The following RAI2 variants were observed in gnomAD, a reference collection of about 807,000 sequenced individuals.
RAI2 encodes the protein retinoic acid induced 2.
A neutral mutation model predicts 15.3 loss-of-function variants in RAI2; 5 were observed. The observed-to-expected ratio is 0.33, with a 90% CI of 0.17 to 0.69. The LOEUF is 0.69. RAI2 is among the 30% of genes least tolerant of loss of function. The pLI is 0.69. For synonymous variants in RAI2, 191 were observed against 184.0 expected (o/e 1.04, Z -0.31); for missense variants, 424 against 424.7 (o/e 1.00, Z 0.01).
intron 1 of RAI2, among the ~76,000 whole-genome samples, chrX:17,821,039 A>T (rs1376835108): frequency 8.9e-6 from 1 of 112,042 alleles, no homozygotes; most frequent in Non-Finnish European, 1.9e-5. Flanking sequence ...AGCTGGGACT[A>T]TAGGCGTGAG....
At chrX:17,816,007 T>TC (rs1198028860) in intron 1 of RAI2, among the ~76,000 whole-genome samples, 5 of 109,859 alleles carry the variant, frequency 4.6e-5, no homozygotes, top group African/African-American at 1.7e-4. Context: ...CTCCTCCTCC[T>TC]CTTTCTTGTT....
At chrX:17,856,065 A>G (rs1256712177) in intron 1 of RAI2, among the ~76,000 whole-genome samples, 1 of 112,191 alleles carries the variant, frequency 8.9e-6, no homozygotes, top group Non-Finnish European at 1.9e-5. Context: ...GTGCTGGAAG[A>G]CCAAAAAGTT....
At chrX:17,834,870 G>C (rs1171604718) in intron 1 of RAI2, among the ~76,000 whole-genome samples, 1 of 110,937 alleles carries the variant, frequency 9.0e-6, no homozygotes, top group Non-Finnish European at 1.9e-5. Flanking sequence ...TTACAGAAAA[G>C]GTTTTTATGG....
chrX:17,822,266 T>C (rs1396421390), intron 1 of RAI2, among the ~76,000 whole-genome samples: 1 of 112,041 alleles, frequency 8.9e-6, no homozygotes, highest in Non-Finnish European at 1.9e-5. Context: ...ATGTAAATAT[T>C]AACGTCGGGG....
chrX:17,850,323 T>C (rs2067513841), intron 1 of RAI2, among the ~76,000 whole-genome samples: 1 of 112,012 alleles, frequency 8.9e-6, no homozygotes, highest in African/African-American at 3.2e-5. Flanking sequence ...GGGGAGCCTT[T>C]TGAGGCCTGT....
chrX:17,802,057 T>C (rs2066920709), intron 1 of RAI2, 23 bp from the exon 2 acceptor site: 8 of 1,148,052 alleles, frequency 7.0e-6, no homozygotes, highest in Non-Finnish European at 8.1e-6. Flanking sequence ...ACATACAATA[T>C]GAATCTTCCT....
At chrX:17,802,659 G>A (rs371208202) in intron 1 of RAI2, among the ~76,000 whole-genome samples, 1 of 111,535 alleles carries the variant, frequency 9.0e-6, no homozygotes, top group Non-Finnish European at 1.9e-5. Flanking sequence ...GGTGAAGATC[G>A]ATGATGACTT....
chrX:17,818,056 G>A (rs1457958351), intron 1 of RAI2, among the ~76,000 whole-genome samples: 2 of 111,972 alleles, frequency 1.8e-5, no homozygotes, highest in Non-Finnish European at 3.8e-5. Context: ...GGGGGCTCTT[G>A]TGTGCAAAGG....
intron 1 of RAI2, among the ~76,000 whole-genome samples, chrX:17,803,758 C>T (rs73189167): frequency 4.5e-5 from 5 of 110,167 alleles, no homozygotes; most frequent in African/African-American, 1.3e-4. Context: ...GGATCCAGAG[C>T]GTGTCTCCCT....
intron 1 of RAI2, among the ~76,000 whole-genome samples, chrX:17,828,420 T>C (rs903558871): frequency 8.9e-6 from 1 of 112,053 alleles, no homozygotes; most frequent in South Asian, 3.8e-4. Context: ...AGGTTGCTAA[T>C]ACCCGCTTCC....
chrX:17,847,118 T>C (rs1206975196), intron 1 of RAI2, among the ~76,000 whole-genome samples: 3 of 111,829 alleles, frequency 2.7e-5, no homozygotes, highest in Non-Finnish European at 3.8e-5. Context: ...CTTTATAAAT[T>C]ACCCAGTCTC....
intron 1 of RAI2, among the ~76,000 whole-genome samples, chrX:17,848,678 A>G (rs1482543606): frequency 9.0e-6 from 1 of 111,070 alleles, no homozygotes; most frequent in Non-Finnish European, 1.9e-5. Flanking sequence ...ATGGACAAAG[A>G]CTTTAATTAG....
intron 1 of RAI2, among the ~76,000 whole-genome samples, chrX:17,818,845 C>T (rs1220821001): frequency 8.9e-6 from 1 of 112,852 alleles, no homozygotes; most frequent in Non-Finnish European, 1.9e-5. Context: ...ATGGTCAGAG[C>T]AGCTGAGAGG....
At chrX:17,805,690 A>G (rs2066970984) in intron 1 of RAI2, among the ~76,000 whole-genome samples, 1 of 112,148 alleles carries the variant, frequency 8.9e-6, no homozygotes, top group Non-Finnish European at 1.9e-5. Context: ...GGCAAAGGGG[A>G]AAAACCCCTG....
At chrX:17,821,568 AAG>A (rs377257611) in intron 1 of RAI2, among the ~76,000 whole-genome samples, 17 of 106,403 alleles carry the variant, frequency 1.6e-4, no homozygotes, top group South Asian at 4.0e-4. Flanking sequence ...GTGTGTGTGT[AAG>A]AGAGAGAGAG....
At chrX:17,835,631 C>A (rs965060021) in intron 1 of RAI2, among the ~76,000 whole-genome samples, 27 of 111,683 alleles carry the variant, frequency 2.4e-4, no homozygotes, top group African/African-American at 7.5e-4. Flanking sequence ...GTTTATCCCC[C>A]CAGAACCACA....
intron 1 of RAI2, among the ~76,000 whole-genome samples, chrX:17,833,354 G>A (rs1379232537): frequency 3.6e-5 from 4 of 110,795 alleles, no homozygotes; most frequent in East Asian, 2.8e-4. Flanking sequence ...AAACCCTGTC[G>A]CTACTAAAAA....
In RAI2 at chrX:17,803,182, A is replaced by G. The variant is rs776090449; in HGVS notation, c.-24-1148T>C. ...TCCTCTCCTCACCCCGAAATTACCA[A>G]CACAACCTCCAAAGAAAGAGAGGCG... On this transcript the variant is annotated intron_variant, in intron 1 of 1. Coordinates refer to ENST00000451717, the MANE Select transcript of RAI2 (RefSeq NM_021785.6). Among the ~76,000 whole-genome samples, 15 of 110,946 alleles carry G rather than the reference A, an allele frequency of 1.4e-4. No homozygotes were observed. In the East Asian group the frequency reaches 4.3e-3, roughly 32 times the overall value.
chrX:17,800,552 A>C lies in RAI2; in HGVS notation c.1459T>G (p.Ser487Ala). The stretch of plus-strand genomic sequence containing the variant: ...CTAAGGGGCTCTGCATTTCCCATGG[A>C]CTCTTCCCCTTGGCTGTTGATGTCA... ...GYDINSQGEE[S>A]MGNAEPLRKP... The change falls in exon 2 of 2, where the codon TCC (serine) becomes GCC (alanine). Residue 487 changes from serine (S) to alanine (A), a missense_variant. By Grantham distance (99) the Ser-to-Ala change is moderately conservative. Coordinates refer to ENST00000451717, the MANE Select transcript of RAI2 (RefSeq NM_021785.6). The C allele has an allele frequency of 8.3e-7, 1 of 1,209,480 alleles. No individual in the cohort carries two copies. The highest frequency in any genetic ancestry group is 1.1e-6 in the Non-Finnish European group (1 of 894,446).
Sources: allele counts gnomAD v4.1 joint callset (sites outside exome capture counted in the v4.1 genomes callset), GRCh38; gene constraint gnomAD v4.1.1; transcripts MANE v1.5; gene names NCBI Gene and HGNC (gene_info 2026-07-23, HGNC 2026-07-21).